RBFOX1: variants seen among roughly 807,000 people sequenced by gnomAD.
RBFOX1 encodes RNA binding protein fox-1 homolog 1.
Under a neutral mutation model 57.7 loss-of-function variants are expected in RBFOX1, and 8 were observed. The observed-to-expected ratio is 0.14, with a 90% CI of 0.08 to 0.25. RBFOX1 has a LOEUF of 0.25. RBFOX1 is among the 10% of genes least tolerant of loss of function. The probability of loss-of-function intolerance (pLI) is 1.00; values close to 1 mark genes in which losing one functional copy is unlikely to be tolerated. For missense variants in RBFOX1, 611 were observed against 548.5 expected, an observed-to-expected ratio of 1.11 and a Z score of -1.14; for synonymous variants, 326 against 222.4, an observed-to-expected ratio of 1.47 and a Z score of -4.15.
chr16:6,098,397 C>T (rs1053568119), intron 1 of RBFOX1, among the ~76,000 whole-genome samples: 2 of 152,228 alleles, frequency 1.3e-5, no homozygotes, highest in Admixed American at 6.5e-5. Flanking sequence ...TCTTCCTGTC[C>T]TCTCTATCAA....
chr16:6,775,212 T>TGTA, intron 3 of RBFOX1, among the ~76,000 whole-genome samples: 1 of 149,396 alleles, frequency 6.7e-6, no homozygotes, highest in Admixed American at 6.7e-5. Flanking sequence ...TTCGGACGCC[T>TGTA]GTAGTCCCAG....
intron 3 of RBFOX1, among the ~76,000 whole-genome samples, chr16:6,910,506 A>C (rs1240817110): frequency 6.6e-6 from 1 of 152,192 alleles, no homozygotes; most frequent in African/African-American, 2.4e-5. Flanking sequence ...TCACTCAAAC[A>C]ACCTACATGC....
At chr16:6,849,660 C>G (rs1294744392) in intron 3 of RBFOX1, among the ~76,000 whole-genome samples, 1 of 152,098 alleles carries the variant, frequency 6.6e-6, no homozygotes, top group Non-Finnish European at 1.5e-5. Flanking sequence ...GAAAGCAAGA[C>G]TCCATCTCAA....
intron 4 of RBFOX1, among the ~76,000 whole-genome samples, chr16:6,007,484 T>C (rs1013061806): frequency 6.6e-6 from 1 of 152,186 alleles, no homozygotes; most frequent in East Asian, 1.9e-4. Flanking sequence ...ACAGTTGACA[T>C]GTTGATTCCA....
In RBFOX1 at chr16:6,679,687, A is replaced by C. The variant is rs752248613; in HGVS notation, c.-16+25037A>C. 3.3e-5 allele frequency among the ~76,000 whole-genome samples: 5 copies of C among 152,292 alleles called. No individual in the cohort carries two copies. In the South Asian group the frequency reaches 8.3e-4, roughly 25 times the overall value. On this transcript the variant is annotated intron_variant, in intron 3 of 15. Coordinates refer to ENST00000550418, the MANE Select transcript of RBFOX1 (RefSeq NM_018723.4). ...CCTGTATAAAGCATAGTCTAAACTA[A>C]CCACCACACCATACAAGAGTACTTG...
intron 3 of RBFOX1, among the ~76,000 whole-genome samples, chr16:5,683,911 C>T (rs1374673884): frequency 6.6e-6 from 1 of 151,616 alleles, no homozygotes; most frequent in Non-Finnish European, 1.5e-5. Context: ...ATCCGTCAGC[C>T]CAATATGAGC....
intron 3 of RBFOX1, among the ~76,000 whole-genome samples, chr16:6,734,848 A>T (rs996554492): frequency 2.6e-5 from 4 of 152,222 alleles, no homozygotes; most frequent in African/African-American, 9.6e-5. Flanking sequence ...GCAGCAATGA[A>T]AAGATGAGTC....
chr16:6,765,337 G>A (rs7198500), intron 3 of RBFOX1, among the ~76,000 whole-genome samples: 2,358 of 152,214 alleles, frequency 0.015, 43 homozygotes, highest in African/African-American at 0.045. Context: ...TCTACCACTG[G>A]AAATAATAGC....
chr16:7,666,725 A>G (rs1167984933), intron 13 of RBFOX1, among the ~76,000 whole-genome samples: 1 of 152,254 alleles, frequency 6.6e-6, no homozygotes, highest in Non-Finnish European at 1.5e-5. Flanking sequence ...GAGAAAAAAC[A>G]AAGTTAGAAG....
intron 2 of RBFOX1, among the ~76,000 whole-genome samples, chr16:6,403,508 C>A (rs1224121337): frequency 1.3e-5 from 2 of 151,922 alleles, no homozygotes; most frequent in Non-Finnish European, 2.9e-5. Context: ...GGACTACAGG[C>A]GAGTGCCACT....
At chr16:5,652,057 C>T (rs936074701) in intron 3 of RBFOX1, among the ~76,000 whole-genome samples, 2 of 152,070 alleles carry the variant, frequency 1.3e-5, no homozygotes, top group Admixed American at 1.3e-4. Flanking sequence ...TCTCTTGAAC[C>T]TTGGAGGAAG....
At chr16:6,772,841 G>T (rs2078565133) in intron 3 of RBFOX1, among the ~76,000 whole-genome samples, 1 of 149,680 alleles carries the variant, frequency 6.7e-6, no homozygotes, top group Non-Finnish European at 1.5e-5. Flanking sequence ...GAGTGTATGT[G>T]TGGGCATGGG....
chr16:7,463,006 G>A (rs1265513541), intron 4 of RBFOX1, among the ~76,000 whole-genome samples: 6 of 152,094 alleles, frequency 3.9e-5, no homozygotes, highest in Non-Finnish European at 7.4e-5. Flanking sequence ...AGCCTGCTTG[G>A]GCTGCCATAA....
rs188738103 is a variant in RBFOX1, at chr16:7,326,771, C to T, written c.28-191376C>T. On this transcript the variant is annotated intron_variant, in intron 4 of 15. Transcript: ENST00000550418. The stretch of plus-strand genomic sequence containing the variant: ...TCCCCCAGATCCAAACCCAGCCTCT[C>T]CAACTTTGAAACGCAGGCTTTTCCT... Among the ~76,000 whole-genome samples the T allele has an allele frequency of 3.4e-3, 515 of 152,166 alleles. 1 individual carries two copies. The highest frequency in any genetic ancestry group is 6.8e-3 in the Middle Eastern group (2 of 294).
intron 3 of RBFOX1, among the ~76,000 whole-genome samples, chr16:6,781,079 C>T (rs1396567915): frequency 6.6e-6 from 1 of 152,146 alleles, no homozygotes; most frequent in Admixed American, 6.6e-5. Flanking sequence ...ACACCCATGT[C>T]TGGAAGCATT....
intron 3 of RBFOX1, among the ~76,000 whole-genome samples, chr16:6,920,549 C>A (rs145449840): frequency 6.6e-6 from 1 of 152,286 alleles, no homozygotes; most frequent in Non-Finnish European, 1.5e-5. Context: ...TAGTGGCAGG[C>A]TTGAAACAAC....
intron 1 of RBFOX1, among the ~76,000 whole-genome samples, chr16:5,288,073 G>A (rs544375736): frequency 2.0e-5 from 3 of 152,152 alleles, no homozygotes; most frequent in African/African-American, 4.8e-5. Context: ...AATTGTGTAC[G>A]GCCGACTCCA....
chr16:6,831,641 T>C (rs534786760), intron 3 of RBFOX1, among the ~76,000 whole-genome samples: 1 of 152,198 alleles, frequency 6.6e-6, no homozygotes, highest in Non-Finnish European at 1.5e-5. Flanking sequence ...TGGAAGGGTT[T>C]TAAGCATTTT....
At chr16:7,527,227 C>G (rs934232765) in intron 5 of RBFOX1, among the ~76,000 whole-genome samples, 1 of 152,124 alleles carries the variant, frequency 6.6e-6, no homozygotes, top group Non-Finnish European at 1.5e-5. Flanking sequence ...TCCTTAGGAG[C>G]CTGAGCACTA....
Sources: gnomAD v4.1 joint callset for allele counts (sites outside exome capture counted in the v4.1 genomes callset) on GRCh38, gnomAD v4.1.1 for gene constraint, MANE v1.5 for transcripts, NCBI Gene and HGNC (gene_info 2026-07-23, HGNC 2026-07-21) for gene names.